The following USP48 variants were observed in gnomAD, a reference collection of about 807,000 sequenced individuals.
USP48 encodes the protein ubiquitin specific peptidase 48.
A neutral mutation model predicts 150.7 loss-of-function variants in USP48; 43 were observed. The ratio of observed to expected loss-of-function variants is 0.29; its 90% CI spans 0.22 to 0.37. The LOEUF (loss-of-function observed/expected upper bound fraction) is 0.37, where lower values mean the gene tolerates loss of function less well. Ranked by LOEUF, USP48 falls within the 10% of genes least tolerant of loss-of-function variation. The probability of loss-of-function intolerance (pLI) is 1.00; values close to 1 mark genes in which losing one functional copy is unlikely to be tolerated. For missense variants in USP48, 813 were observed against 1,249.6 expected (o/e 0.65, Z 5.27); for synonymous variants, 396 against 425.9 (o/e 0.93, Z 0.86).
chr1:21,714,500 C>T (rs146256865), intron 15 of USP48, among the ~76,000 whole-genome samples: 6 of 152,150 alleles, frequency 3.9e-5, no homozygotes, highest in East Asian at 3.9e-4. Context: ...TGGGCTCAAG[C>T]GATCCTCCTA....
intron 25 of USP48, among the ~76,000 whole-genome samples, chr1:21,685,226 T>C (rs966787984): frequency 6.6e-6 from 1 of 152,210 alleles, no homozygotes; most frequent in African/African-American, 2.4e-5. Flanking sequence ...TAGTGTTTTG[T>C]AGTTTTCCTT....
chr1:21,759,628 T>A (rs2097845484), intron 1 of USP48, among the ~76,000 whole-genome samples: 2 of 151,886 alleles, frequency 1.3e-5, no homozygotes, highest in South Asian at 4.2e-4. Context: ...AGCACAAGAG[T>A]TGGCTGGAAG....
In USP48 at chr1:21,704,164, G is replaced by A. The variant is rs1390198867; in HGVS notation, c.2515+98C>T. On this transcript the variant is annotated intron_variant, in intron 20 of 26. Transcript: ENST00000308271. ...TTCCACCTAGGGAGTTGGGACCGCC[G>A]CATGATCTTTAACTTTAAGCAGACA... The A allele has an allele frequency of 9.9e-6, 14 of 1,416,356 alleles. No individual in the cohort carries two copies. The African/African-American group carries it at 1.0e-4, about 10-fold the overall frequency. The allele number at this position is 1,416,356 out of a possible 1,614,324, so 87.7% of individuals were successfully genotyped here.
rs2097557905 is a variant in USP48 at position 21,678,876 on chromosome 1, T to C, written c.*541A>G. On this transcript the variant is annotated 3_prime_UTR_variant, in exon 27 of 27. Coordinates refer to ENST00000308271, the MANE Select transcript of USP48 (RefSeq NM_032236.8). ...CAGCTGACATGGAGAAGAGTCTAAA[T>C]CTGAAGACACTTTTCCACACTTAGG... 1 of 169,758 alleles carries C rather than the reference T, an allele frequency of 5.9e-6. No homozygotes were observed. The highest frequency in any genetic ancestry group is 2.4e-5 in the African/African-American group (1 of 41,532). The allele number at this position is 169,758 out of a possible 1,614,324, so 10.5% of individuals were successfully genotyped here.
chr1:21,742,048 A>C (rs1013610869), intron 8 of USP48, among the ~76,000 whole-genome samples: 3 of 152,184 alleles, frequency 2.0e-5, no homozygotes, highest in Non-Finnish European at 4.4e-5. Flanking sequence ...TAGAGAGTTA[A>C]GAATACATGT....
At position 21,743,624 on chromosome 1, in the gene USP48, A is replaced by C. The variant is rs145585441; in HGVS notation, c.991+3443T>G. Among the ~76,000 whole-genome samples, 151 of 152,284 alleles carry C rather than the reference A, an allele frequency of 9.9e-4. No homozygotes were observed. The Middle Eastern group carries it at 0.01, about 10-fold the overall frequency. On this transcript the variant is annotated intron_variant, in intron 8 of 26. Transcript: ENST00000308271. ...TGCTAAAGAAGAAAAAAAATAAAAG[A>C]AGCATTCCACATGAAAGTCAGATAA... is the stretch of plus-strand genomic sequence containing the variant.
chr1:21,766,227 G>T (rs1431302359), intron 1 of USP48, among the ~76,000 whole-genome samples: 1 of 152,016 alleles, frequency 6.6e-6, no homozygotes, highest in Non-Finnish European at 1.5e-5. Flanking sequence ...ATAAAAATTA[G>T]CTGGGTTTGG....
At chr1:21,700,710 T>G (rs1052500401) in intron 22 of USP48, among the ~76,000 whole-genome samples, 12 of 152,156 alleles carry the variant, frequency 7.9e-5, no homozygotes, top group Non-Finnish European at 1.8e-4. Context: ...TGTGGGGGTC[T>G]GACTTTTTGA....
intron 9 of USP48, among the ~76,000 whole-genome samples, chr1:21,731,779 G>C (rs2097757514): frequency 6.6e-6 from 1 of 152,036 alleles, no homozygotes; most frequent in Non-Finnish European, 1.5e-5. Context: ...TGATGCAGCA[G>C]AATCAGTTGA....
At chr1:21,724,234 G>A in intron 11 of USP48, 139 bp from the exon 12 acceptor site, 1 of 840,362 alleles carries the variant, frequency 1.2e-6, no homozygotes, top group East Asian at 2.6e-5. Flanking sequence ...GGGGGAAGAT[G>A]TTTGATGAGT....
In USP48 at chr1:21,747,119, G is replaced by C. The variant is rs1014426868; in HGVS notation, c.939C>G (p.Thr313=). 2.5e-6 allele frequency: 4 copies of C among 1,611,344 alleles called. No homozygotes were observed. The highest frequency in any genetic ancestry group is 1.7e-5 in the Admixed American group (1 of 59,754). ...CCAAAATTTCTGAGAAGCCAATGTA[G>C]GTATTCAGCTTTTTCTTATGTCCAG... ...RQTGHKKKLN[T]YIGFSEILDM... The change falls in exon 8 of 27, where the codon ACC becomes ACG. Residue 313 remains threonine (T), a synonymous_variant. Coordinates refer to ENST00000308271, the MANE Select transcript of USP48 (RefSeq NM_032236.8).
chr1:21,690,034 A>T lies in USP48; in HGVS notation c.2949T>A (p.Ser983Arg). The change falls in exon 24 of 27, where the codon AGT becomes AGA. Residue 983 changes from serine to arginine, a missense_variant. Physicochemically the swap from Ser to Arg is moderately radical, Grantham distance 110. Transcript: ENST00000308271. ...GGGTGCCTAGGGTGGCACAGTCATC[A>T]CTTAAAATCTTTCCATCAATTGACA... Reference protein sequence around the residue: ...QNLSIDGKILSDDCATLGTLG... With the variant: ...QNLSIDGKILRDDCATLGTLG... 6.2e-7 allele frequency: 1 copy of T among 1,614,210 alleles called. No individual in the cohort carries two copies. Among genetic ancestry groups the T allele is most frequent in the Non-Finnish European group, 8.5e-7 (1 of 1,180,038 alleles).
chr1:21,717,932 T>C (rs549328161), intron 14 of USP48, among the ~76,000 whole-genome samples: 1 of 152,254 alleles, frequency 6.6e-6, no homozygotes, highest in African/African-American at 2.4e-5. Flanking sequence ...GGAGACTCCG[T>C]CTCAAAAACA....
chr1:21,721,907 C>A, intron 12 of USP48, 143 bp from the exon 13 acceptor site: 2 of 487,990 alleles, frequency 4.1e-6, no homozygotes, highest in Non-Finnish European at 7.2e-6. Context: ...GGTATATACC[C>A]TAAATTATTT....
chr1:21,724,758 A>T (rs112187257), intron 11 of USP48: 2 of 152,282 alleles, frequency 1.3e-5, no homozygotes, highest in African/African-American at 4.8e-5. Context: ...GTTCGAGGAT[A>T]AAGTACACTA....
intron 2 of USP48, chr1:21,757,010 C>T (rs1443500268): frequency 4.1e-6 from 4 of 984,544 alleles, no homozygotes; most frequent in Admixed American, 6.2e-5. Context: ...TTTGAACAAG[C>T]GTATATAGGT....
At chr1:21,720,916 G>T in intron 14 of USP48, 120 bp downstream of exon 14, 1 of 1,324,594 alleles carries the variant, frequency 7.5e-7, no homozygotes, top group Non-Finnish European at 1.0e-6. Flanking sequence ...GGGCTCAAGT[G>T]ATCTGCCCGT....
At chr1:21,738,297 A>C (rs1366160870) in intron 8 of USP48, among the ~76,000 whole-genome samples, 1 of 149,454 alleles carries the variant, frequency 6.7e-6, no homozygotes, top group African/African-American at 2.5e-5. Flanking sequence ...ACCTCAGGTG[A>C]TCCATCTGCC....
intron 1 of USP48, among the ~76,000 whole-genome samples, chr1:21,759,046 G>A (rs1280579457): frequency 5.3e-5 from 8 of 151,902 alleles, no homozygotes; most frequent in African/African-American, 1.7e-4. Flanking sequence ...GGTGGTACAC[G>A]TTTGTAACTC....
Sources: gnomAD v4.1 joint callset for allele counts (sites outside exome capture counted in the v4.1 genomes callset) on GRCh38, gnomAD v4.1.1 for gene constraint, MANE v1.5 for transcripts, NCBI Gene and HGNC (gene_info 2026-07-23, HGNC 2026-07-21) for gene names.